The following SNX27 variants were observed in gnomAD, a reference collection of about 807,000 sequenced individuals.
SNX27 encodes sorting nexin-27.
SNX27 carries 22 observed loss-of-function variants against 71.6 expected under a neutral mutation model. The observed-to-expected ratio is 0.31, with a 90% CI of 0.22 to 0.44. SNX27 has a LOEUF of 0.44. SNX27 is among the 20% of genes least tolerant of loss of function. The pLI is 1.00. For synonymous variants in SNX27, 269 were observed against 277.2 expected (o/e 0.97, Z 0.29); for missense variants, 531 against 698.6 (o/e 0.76, Z 2.70).
chr1:151,621,388 C>T (rs1224123370), intron 1 of SNX27, among the ~76,000 whole-genome samples: 1 of 152,208 alleles, frequency 6.6e-6, no homozygotes, highest in Non-Finnish European at 1.5e-5. Flanking sequence ...CTTATGTGTA[C>T]TTCCTCAGTG....
chr1:151,643,604 A>G (rs571861672), intron 2 of SNX27, among the ~76,000 whole-genome samples: 1 of 151,236 alleles, frequency 6.6e-6, no homozygotes, highest in Non-Finnish European at 1.5e-5. Flanking sequence ...TAAGAACTTT[A>G]TTAAGATATG....
At chr1:151,665,484 A>C (rs1446514448) in intron 5 of SNX27, among the ~76,000 whole-genome samples, 1 of 152,206 alleles carries the variant, frequency 6.6e-6, no homozygotes, top group Non-Finnish European at 1.5e-5. Context: ...AATCAAATAT[A>C]TAGTTTTTTT....
chr1:151,671,252 T>C (rs61815069), intron 7 of SNX27, among the ~76,000 whole-genome samples: 15 of 148,920 alleles, frequency 1.0e-4, no homozygotes, highest in African/African-American at 3.7e-4. Context: ...TTTTTTTTTT[T>C]CCAGAGACAG....
At chr1:151,644,328 A>G (rs1175929658) in intron 2 of SNX27, among the ~76,000 whole-genome samples, 3 of 152,190 alleles carry the variant, frequency 2.0e-5, no homozygotes, top group African/African-American at 7.2e-5. Context: ...GGAAAGCACT[A>G]ATCTATCCTC....
At chr1:151,670,416 G>A (rs185261939) in intron 7 of SNX27, among the ~76,000 whole-genome samples, 1 of 152,286 alleles carries the variant, frequency 6.6e-6, no homozygotes, top group African/African-American at 2.4e-5. Flanking sequence ...ATACCCAGCA[G>A]TGGGATTGCT....
chr1:151,683,314 AT>A (rs1431178896), intron 7 of SNX27, 41 bp from the exon 8 acceptor site: 1 of 1,507,312 alleles, frequency 6.6e-7, no homozygotes, highest in East Asian at 2.3e-5. Context: ...CATAATAATG[AT>A]TTTTACACTC....
intron 1 of SNX27, among the ~76,000 whole-genome samples, chr1:151,616,868 T>C (rs1349814055): frequency 6.6e-6 from 1 of 152,206 alleles, no homozygotes; most frequent in Non-Finnish European, 1.5e-5. Context: ...AGGGTTATGA[T>C]TCAGTAGATC....
chr1:151,692,842 C>A, intron 9 of SNX27, 69 bp from the exon 10 acceptor site: 2 of 1,597,714 alleles, frequency 1.3e-6, no homozygotes, highest in Non-Finnish European at 1.7e-6. Context: ...TGGTTCAGAA[C>A]CCCCTACCTC....
In SNX27 at chr1:151,612,827, A is replaced by G. The variant is rs1245675616; in HGVS notation, c.311+315A>G. ...TTTGCCTTCCCGTTTGGCGTGCTGC[A>G]TTCTGCTCCTCACTCCCCCTCGTCT... On this transcript the variant is annotated intron_variant, in intron 1 of 11. Transcript: ENST00000458013. The surrounding 1 kb of genome is among the most constrained non-coding windows in gnomAD (Gnocchi z 5.2). Among the ~76,000 whole-genome samples the G allele has an allele frequency of 2.0e-5, 3 of 151,930 alleles. No individual in the cohort carries two copies.
intron 5 of SNX27, among the ~76,000 whole-genome samples, chr1:151,663,279 C>G (rs949849386): frequency 6.6e-6 from 1 of 151,420 alleles, no homozygotes; most frequent in South Asian, 2.1e-4. Context: ...GCCTCCCGAG[C>G]AGCTGGGACT....
At chr1:151,651,240 CG>C (rs1259000050) in intron 2 of SNX27, among the ~76,000 whole-genome samples, 5 of 150,096 alleles carry the variant, frequency 3.3e-5, no homozygotes, top group East Asian at 4.0e-4. Context: ...GCTGACCCCC[CG>C]ACCTCCCTCC....
At chr1:151,625,391 A>G (rs1667878134) in intron 1 of SNX27, among the ~76,000 whole-genome samples, 1 of 151,774 alleles carries the variant, frequency 6.6e-6, no homozygotes, top group South Asian at 2.1e-4. Context: ...CTGTAATCCT[A>G]ACTACTGGGG....
chr1:151,625,185 T>C (rs1891589), intron 1 of SNX27, among the ~76,000 whole-genome samples: 79,183 of 151,898 alleles, frequency 0.52, 23,240 homozygotes, highest in Non-Finnish European at 0.68. Flanking sequence ...TTGCCCAGTG[T>C]TAAATTTTTG....
chr1:151,638,340 T>A (rs1476939543), intron 1 of SNX27, among the ~76,000 whole-genome samples: 1 of 152,188 alleles, frequency 6.6e-6, no homozygotes, highest in African/African-American at 2.4e-5. Context: ...AAAATTAAGT[T>A]GACTGATTTG....
Position 151,612,724 on chromosome 1 carries a change from C to T in SNX27, c.311+212C>T, listed in dbSNP as rs1667241328. On this transcript the variant is annotated intron_variant, in intron 1 of 11. Coordinates refer to ENST00000458013, the MANE Select transcript of SNX27 (RefSeq NM_001330723.2). This position sits in a 1 kb window ranked among gnomAD's most constrained non-coding sequence, Gnocchi z 5.2. ...GCTTCTGCGACGCCGGTCTCCCACC[C>T]CGTCGTCTCCAGCTGATGCCCTTGC... Among the ~76,000 whole-genome samples the T allele has an allele frequency of 6.6e-6, 1 of 152,154 alleles. No individual in the cohort carries two copies. Among genetic ancestry groups the T allele is most frequent in the Admixed American group, 6.5e-5 (1 of 15,284 alleles).
At chr1:151,653,627 C>T (rs1425459550) in intron 2 of SNX27, among the ~76,000 whole-genome samples, 1 of 152,102 alleles carries the variant, frequency 6.6e-6, no homozygotes, top group Non-Finnish European at 1.5e-5. Context: ...AAGCATTCCT[C>T]CTGCTTCAGC....
chr1:151,634,103 G>T (rs2102624434), intron 1 of SNX27, among the ~76,000 whole-genome samples: 1 of 152,056 alleles, frequency 6.6e-6, no homozygotes, highest in East Asian at 1.9e-4. Context: ...TATAAGAATG[G>T]CACTTGTTCC....
intron 8 of SNX27, chr1:151,685,309 C>T (rs1318581827): frequency 6.6e-6 from 1 of 152,136 alleles, no homozygotes; most frequent in Non-Finnish European, 1.5e-5. Context: ...TCTGATAGGT[C>T]ATTTGAATTC....
At chr1:151,640,562 A>T (rs1668676854) in intron 2 of SNX27, among the ~76,000 whole-genome samples, 1 of 151,990 alleles carries the variant, frequency 6.6e-6, no homozygotes, top group African/African-American at 2.4e-5. Flanking sequence ...TTTAGTAGAG[A>T]TGGTGTTTCA....
Sources: allele counts gnomAD v4.1 joint callset (sites outside exome capture counted in the v4.1 genomes callset), GRCh38; gene constraint gnomAD v4.1.1; non-coding constraint Gnocchi (gnomAD v3.1); transcripts MANE v1.5; gene names NCBI Gene and HGNC (gene_info 2026-07-23, HGNC 2026-07-21).